The following GRID1 variants were observed in gnomAD, a reference collection of about 807,000 sequenced individuals.
The protein encoded by GRID1 is glutamate ionotropic receptor delta type subunit 1, also known as glutamate receptor ionotropic, delta-1.
A neutral mutation model predicts 98.0 loss-of-function variants in GRID1; 28 were observed. That is an observed-to-expected ratio of 0.29 (90% CI 0.21 to 0.39). The LOEUF is 0.39. Ranked by LOEUF, GRID1 falls within the 10% of genes least tolerant of loss-of-function variation. The probability of loss-of-function intolerance (pLI) is 1.00; values close to 1 mark genes in which losing one functional copy is unlikely to be tolerated. For synonymous variants in GRID1, 553 were observed against 538.5 expected, an observed-to-expected ratio of 1.03 and a Z score of -0.37; for missense variants, 1,111 against 1,340.5, an observed-to-expected ratio of 0.83 and a Z score of 2.67.
intron 4 of GRID1, among the ~76,000 whole-genome samples, chr10:86,131,543 C>A (rs938729563): frequency 4.6e-5 from 7 of 152,118 alleles, no homozygotes; most frequent in African/African-American, 1.4e-4. Context: ...TTCTCTTTGA[C>A]CCCAGACAGG....
intron 4 of GRID1, among the ~76,000 whole-genome samples, chr10:85,920,912 A>C (rs1475028355): frequency 1.3e-5 from 2 of 152,194 alleles, no homozygotes; most frequent in African/African-American, 4.8e-5. Context: ...ACTAGGGCCC[A>C]ATAAGCCCAA....
intron 4 of GRID1, among the ~76,000 whole-genome samples, chr10:86,105,479 C>T (rs185235013): frequency 6.6e-6 from 1 of 152,356 alleles, no homozygotes; most frequent in East Asian, 1.9e-4. Flanking sequence ...TTCTTGCCTC[C>T]TGTGGCTCTC....
intron 2 of GRID1, among the ~76,000 whole-genome samples, chr10:86,345,021 C>T (rs772707415): frequency 6.6e-6 from 1 of 152,152 alleles, no homozygotes; most frequent in Non-Finnish European, 1.5e-5. Context: ...CTGGAGGGCC[C>T]CAGCAGGAAT....
intron 4 of GRID1, among the ~76,000 whole-genome samples, chr10:85,937,827 C>T (rs1011734167): frequency 6.6e-6 from 1 of 152,128 alleles, no homozygotes; most frequent in Non-Finnish European, 1.5e-5. Context: ...CAGTTCTGCC[C>T]CCACCACAAA....
intron 4 of GRID1, among the ~76,000 whole-genome samples, chr10:86,063,975 G>C (rs1321389844): frequency 1.3e-5 from 2 of 152,094 alleles, no homozygotes; most frequent in African/African-American, 2.4e-5. Context: ...CTTTAAAAAA[G>C]AGTGTGTCAA....
intron 4 of GRID1, among the ~76,000 whole-genome samples, chr10:86,029,360 C>A (rs1453760075): frequency 2.0e-5 from 3 of 152,198 alleles, no homozygotes; most frequent in Non-Finnish European, 4.4e-5. Flanking sequence ...GAGAGGATCA[C>A]CCAACTCACA....
At chr10:85,632,826 A>G (rs983859383) in intron 13 of GRID1, among the ~76,000 whole-genome samples, 2 of 152,184 alleles carry the variant, frequency 1.3e-5, no homozygotes, top group Non-Finnish European at 2.9e-5. Flanking sequence ...CTATCAACCC[A>G]TTACCTAGGT....
chr10:86,040,572 A>C (rs1843331474), intron 4 of GRID1, among the ~76,000 whole-genome samples: 1 of 151,446 alleles, frequency 6.6e-6, no homozygotes, highest in South Asian at 2.1e-4. Context: ...TGGTTACCAG[A>C]GACTGAGGAG....
Position 85,858,591 on chromosome 10 carries a change from G to A in GRID1, c.952-2401C>T, listed in dbSNP as rs1843136092. On this transcript the variant is annotated intron_variant, in intron 6 of 15. Coordinates refer to ENST00000327946, the MANE Select transcript of GRID1 (RefSeq NM_017551.3). ...TGGAAAACAAACCCATGATGGAGAT[G>A]TTGTTATAAGGAATACAAGCCATTT... 2.0e-5 allele frequency among the ~76,000 whole-genome samples: 3 copies of A among 152,192 alleles called. No individual in the cohort carries two copies. In the South Asian group the frequency reaches 6.2e-4, roughly 32 times the overall value.
intron 2 of GRID1, among the ~76,000 whole-genome samples, chr10:86,319,318 T>C (rs910136205): frequency 6.6e-6 from 1 of 152,154 alleles, no homozygotes; most frequent in Non-Finnish European, 1.5e-5. Flanking sequence ...GTGTTGGGAA[T>C]AGAAGTATGG....
chr10:86,252,311 C>A (rs1846848477), intron 2 of GRID1, among the ~76,000 whole-genome samples: 2 of 152,220 alleles, frequency 1.3e-5, no homozygotes, highest in African/African-American at 4.8e-5. Flanking sequence ...TCAGTCACAT[C>A]CATCCAGGCC....
At chr10:86,109,997 G>T (rs1210063349) in intron 4 of GRID1, among the ~76,000 whole-genome samples, 1 of 149,278 alleles carries the variant, frequency 6.7e-6, no homozygotes, top group Non-Finnish European at 1.5e-5. Context: ...TTTTGAGGGG[G>T]AGTCTCACTC....
chr10:86,255,671 C>A (rs1470348202), intron 2 of GRID1, among the ~76,000 whole-genome samples: 1 of 152,202 alleles, frequency 6.6e-6, no homozygotes, highest in African/African-American at 2.4e-5. Flanking sequence ...GTGCACTGCC[C>A]CCTGGGGACC....
chr10:86,100,377 G>A (rs192516324), intron 4 of GRID1, among the ~76,000 whole-genome samples: 1,874 of 151,984 alleles, frequency 0.012, 18 homozygotes, highest in Non-Finnish European at 0.018. Flanking sequence ...AATATCTACT[G>A]AGCATTTTTC....
At chr10:86,165,814 G>A (rs537079528) in intron 3 of GRID1, among the ~76,000 whole-genome samples, 10 of 152,138 alleles carry the variant, frequency 6.6e-5, no homozygotes, top group East Asian at 5.8e-4. Flanking sequence ...GCAAGACGGC[G>A]CTGTGAGTGG....
At chr10:85,725,484 C>A (rs1161468835) in intron 10 of GRID1, among the ~76,000 whole-genome samples, 1 of 152,126 alleles carries the variant, frequency 6.6e-6, no homozygotes, top group East Asian at 1.9e-4. Flanking sequence ...TAAGATGGAT[C>A]CAGACTGTGA....
At chr10:86,220,965 C>T (rs1290277255) in intron 2 of GRID1, among the ~76,000 whole-genome samples, 3 of 152,180 alleles carry the variant, frequency 2.0e-5, no homozygotes, top group Non-Finnish European at 2.9e-5. Flanking sequence ...CCAAAGCCAG[C>T]TTTCTCAGCT....
intron 4 of GRID1, among the ~76,000 whole-genome samples, chr10:86,109,407 A>G (rs1234389461): frequency 2.0e-5 from 3 of 152,226 alleles, no homozygotes; most frequent in Non-Finnish European, 2.9e-5. Context: ...GGGCCTTGTT[A>G]ATGGGCTCTA....
chr10:85,782,970 C>T (rs750064045), intron 8 of GRID1, among the ~76,000 whole-genome samples: 17 of 152,146 alleles, frequency 1.1e-4, no homozygotes, highest in Non-Finnish European at 1.8e-4. Flanking sequence ...ACAGCCAGAA[C>T]GGCACTAGAA....
Sources: gnomAD v4.1 joint callset for allele counts (sites outside exome capture counted in the v4.1 genomes callset) on GRCh38, gnomAD v4.1.1 for gene constraint, MANE v1.5 for transcripts, NCBI Gene and HGNC (gene_info 2026-07-23, HGNC 2026-07-21) for gene names.